RPS6KC1: variants seen among roughly 807,000 people sequenced by gnomAD.
The protein encoded by RPS6KC1 is inactive ribosomal protein S6 kinase delta-1.
In RPS6KC1, 54 loss-of-function variants were observed where a neutral mutation model predicts 103.8. That is an observed-to-expected ratio of 0.52 (90% CI 0.42 to 0.65). The LOEUF is 0.65. Among genes scored for constraint, RPS6KC1 ranks in the 30% least tolerant of loss-of-function variants. The probability of loss-of-function intolerance (pLI) is 0.00; values close to 1 mark genes in which losing one functional copy is unlikely to be tolerated. For missense variants in RPS6KC1, 1,151 were observed against 1,253.8 expected, an observed-to-expected ratio of 0.92 and a Z score of 1.24; for synonymous variants, 439 against 438.7, an observed-to-expected ratio of 1.00 and a Z score of -0.01.
At chr1:213,101,471 A>G (rs963878289) in intron 3 of RPS6KC1, among the ~76,000 whole-genome samples, 1 of 152,230 alleles carries the variant, frequency 6.6e-6, no homozygotes, top group African/African-American at 2.4e-5. Flanking sequence ...GAAACAATAA[A>G]TCAATAGCAG....
At chr1:213,183,387 G>GC (rs2092378573) in intron 8 of RPS6KC1, among the ~76,000 whole-genome samples, 2 of 152,124 alleles carry the variant, frequency 1.3e-5, no homozygotes, top group African/African-American at 4.8e-5. Context: ...CCATGGAACA[G>GC]ACCATTTCTA....
chr1:213,159,222 AAGTCTGGACG>A (rs2090217269), intron 6 of RPS6KC1, among the ~76,000 whole-genome samples: 1 of 152,172 alleles, frequency 6.6e-6, no homozygotes, highest in South Asian at 2.1e-4. Flanking sequence ...TGAAGGAAGA[AAGTCTGGACG>A]AGTAGTTTCC....
the RPS6KC1 span, among the ~76,000 whole-genome samples, chr1:213,355,813 G>C: frequency 6.6e-6 from 1 of 152,164 alleles, no homozygotes; most frequent in Admixed American, 6.5e-5. Flanking sequence ...GAACCAGCAC[G>C]ACTTATTATT....
the RPS6KC1 span, among the ~76,000 whole-genome samples, chr1:213,418,876 TC>T: frequency 6.6e-6 from 1 of 152,014 alleles, no homozygotes; most frequent in East Asian, 1.9e-4. Context: ...TGTACTCAGC[TC>T]CCCCCAGCTG....
At chr1:213,190,839 G>A (rs1398182125) in intron 8 of RPS6KC1, among the ~76,000 whole-genome samples, 1 of 152,110 alleles carries the variant, frequency 6.6e-6, no homozygotes, top group Non-Finnish European at 1.5e-5. Context: ...TGAGAGATAG[G>A]GATTCAGTTT....
chr1:213,476,056 TGAC>T, the RPS6KC1 span, among the ~76,000 whole-genome samples: 1 of 151,988 alleles, frequency 6.6e-6, no homozygotes, highest in Non-Finnish European at 1.5e-5. Flanking sequence ...GTGACTGGTG[TGAC>T]TGGTGTGACT....
At chr1:213,630,830 C>T in the RPS6KC1 span, among the ~76,000 whole-genome samples, 6 of 152,326 alleles carry the variant, frequency 3.9e-5, no homozygotes, top group East Asian at 1.2e-3. Context: ...TTGGAGTTTG[C>T]CGGAGGTCCA....
At chr1:213,838,216 T>A in the RPS6KC1 span, among the ~76,000 whole-genome samples, 59 of 152,330 alleles carry the variant, frequency 3.9e-4, no homozygotes, top group East Asian at 6.8e-3. Flanking sequence ...TAGTCACACC[T>A]ATATTTTTCC....
chr1:213,225,214 T>C (rs996813537), intron 8 of RPS6KC1, among the ~76,000 whole-genome samples: 1 of 152,194 alleles, frequency 6.6e-6, no homozygotes, highest in African/African-American at 2.4e-5. Context: ...TTTATAATCA[T>C]TTAGCCAACA....
intron 6 of RPS6KC1, among the ~76,000 whole-genome samples, chr1:213,163,383 G>A (rs1045401405): frequency 1.3e-5 from 2 of 152,206 alleles, no homozygotes; most frequent in Admixed American, 6.5e-5. Flanking sequence ...ATGTGACTAA[G>A]TAGAGTCTTA....
At chr1:213,490,176 G>T in the RPS6KC1 span, among the ~76,000 whole-genome samples, 1 of 152,170 alleles carries the variant, frequency 6.6e-6, no homozygotes, top group Non-Finnish European at 1.5e-5. Context: ...ATTGGGTGTG[G>T]TTTCTGCTTT....
intron 1 of RPS6KC1, among the ~76,000 whole-genome samples, chr1:213,061,238 G>A (rs765082173): frequency 1.3e-5 from 2 of 152,186 alleles, no homozygotes; most frequent in Middle Eastern, 3.2e-3. Context: ...TCAGTCTGTA[G>A]TACTTTTGAC....
the RPS6KC1 span, among the ~76,000 whole-genome samples, chr1:213,621,400 G>A: frequency 4.6e-5 from 6 of 130,990 alleles, no homozygotes; most frequent in East Asian, 2.7e-4. Context: ...TAAGGGCAGG[G>A]AAAGCAGGAG....
chr1:213,200,155 A>G (rs894307042), intron 8 of RPS6KC1, among the ~76,000 whole-genome samples: 1 of 152,204 alleles, frequency 6.6e-6, no homozygotes, highest in Non-Finnish European at 1.5e-5. Flanking sequence ...ATATGGAACC[A>G]AAAAGGAACC....
chr1:213,624,994 C>T, the RPS6KC1 span, among the ~76,000 whole-genome samples: 3 of 151,734 alleles, frequency 2.0e-5, no homozygotes, highest in East Asian at 5.8e-4. Context: ...TGTTTTGTTT[C>T]TTTTCCAAGA....
the RPS6KC1 span, among the ~76,000 whole-genome samples, chr1:213,364,220 G>T: frequency 6.6e-6 from 1 of 152,170 alleles, no homozygotes; most frequent in African/African-American, 2.4e-5. Context: ...GGATTTGGAC[G>T]ATGGGCCATC....
chr1:213,091,955 A>G (rs998795368), intron 3 of RPS6KC1, among the ~76,000 whole-genome samples: 1 of 127,574 alleles, frequency 7.8e-6, no homozygotes, highest in African/African-American at 2.5e-5. Context: ...CTGGCATTAC[A>G]TTTCTTTTTT....
intron 5 of RPS6KC1, among the ~76,000 whole-genome samples, chr1:213,119,174 G>C (rs1379877583): frequency 6.6e-6 from 1 of 151,742 alleles, no homozygotes; most frequent in Non-Finnish European, 1.5e-5. Context: ...GGCTGGGCAT[G>C]GTGGCTCACG....
At chr1:213,787,700 T>G in the RPS6KC1 span, among the ~76,000 whole-genome samples, 1 of 152,114 alleles carries the variant, frequency 6.6e-6, no homozygotes, top group Non-Finnish European at 1.5e-5. Context: ...GCTTTAGACA[T>G]AATACATTTG....
Sources: gnomAD v4.1 joint callset for allele counts (sites outside exome capture counted in the v4.1 genomes callset) on GRCh38, gnomAD v4.1.1 for gene constraint, MANE v1.5 for transcripts, NCBI Gene and HGNC (gene_info 2026-07-23, HGNC 2026-07-21) for gene names.